The following BASP1 variants were observed in gnomAD, a reference collection of about 807,000 sequenced individuals.
BASP1 encodes the protein brain abundant membrane attached signal protein 1, also known as brain acid soluble protein 1.
BASP1 carries 1 observed loss-of-function variant against 2.2 expected under a neutral mutation model. That is an observed-to-expected ratio of 0.46 (90% CI 0.16 to 2.17). BASP1 has a LOEUF of 2.17. BASP1 is among the 30% of genes most tolerant of loss of function. The pLI, the probability that BASP1 is intolerant of heterozygous loss-of-function variation, is 0.27. For synonymous variants in BASP1, 187 were observed against 154.2 expected, an observed-to-expected ratio of 1.21 and a Z score of -1.58; for missense variants, 352 against 327.2, an observed-to-expected ratio of 1.08 and a Z score of -0.58.
At chr5:17,224,259 G>T (rs1739448560) in intron 1 of BASP1, among the ~76,000 whole-genome samples, 1 of 152,100 alleles carries the variant, frequency 6.6e-6, no homozygotes, top group Non-Finnish European at 1.5e-5. Flanking sequence ...ACAGGTTTTT[G>T]TATCTTACGG....
In BASP1 at chr5:17,275,579, A is replaced by G. The variant is rs1175317178; in HGVS notation, c.363A>G (p.Lys121=). The G allele has an allele frequency of 1.1e-5, 16 of 1,408,252 alleles. No individual in the cohort carries two copies. The Admixed American group carries it at 5.3e-4, about 47-fold the overall frequency. 87.2% of individuals were successfully genotyped at this position (1,408,252 alleles called of 1,614,324 possible). The change falls in exon 2 of 2, where the codon AAA becomes AAG. Residue 121 remains lysine, a synonymous_variant. Coordinates refer to ENST00000322611, the MANE Select transcript of BASP1 (RefSeq NM_006317.5). This position sits in a 1 kb window ranked among gnomAD's most constrained non-coding sequence, Gnocchi z 5.3. ...PGPAAGGEAP[K]AAEAAAAPAE... ...CCGCTGCGGGCGGCGAGGCCCCCAA[A>G]GCTGCTGAGGCCGCCGCGGCCCCGG... is the stretch of plus-strand genomic sequence containing the variant.
rs528395345 is a variant in BASP1 at position 17,275,888 on chromosome 5, C to G, written c.672C>G (p.Thr224=). ...CAGCTAATTCCGACCAAACCGTAAC[C>G]GTGAAAGAGTGACAAGGACAGCCTA... The part of the protein sequence containing the change: ...APAANSDQTV[T]VKE Residue 224 remains threonine, a synonymous_variant, in exon 2 of 2, where the codon ACC becomes ACG. Coordinates refer to ENST00000322611, the MANE Select transcript of BASP1 (RefSeq NM_006317.5). The surrounding 1 kb of genome is among the most constrained non-coding windows in gnomAD (Gnocchi z 5.3). 4.3e-5 allele frequency: 68 copies of G among 1,587,726 alleles called. No homozygotes were observed. The highest frequency in any genetic ancestry group is 5.4e-5 in the Non-Finnish European group (63 of 1,169,252).
intron 1 of BASP1, among the ~76,000 whole-genome samples, chr5:17,219,015 C>T (rs890809452): frequency 1.3e-5 from 2 of 152,130 alleles, no homozygotes; most frequent in African/African-American, 4.8e-5. Context: ...ACCTCTGTCT[C>T]CCCCGCGGCC....
chr5:17,266,083 T>G (rs1740410449), intron 1 of BASP1, among the ~76,000 whole-genome samples: 1 of 152,208 alleles, frequency 6.6e-6, no homozygotes, highest in African/African-American at 2.4e-5. Flanking sequence ...CAAGGGACAC[T>G]AACCCGTTGG....
intron 1 of BASP1, among the ~76,000 whole-genome samples, chr5:17,270,115 C>T (rs139012467): frequency 0.028 from 4,266 of 152,278 alleles, 198 homozygotes; most frequent in African/African-American, 0.094. Context: ...ATTCTCCTGC[C>T]TCAGCCTCCT....
chr5:17,269,536 C>G (rs921294170), intron 1 of BASP1, among the ~76,000 whole-genome samples: 4 of 152,216 alleles, frequency 2.6e-5, no homozygotes, highest in African/African-American at 9.6e-5. Flanking sequence ...ATGGCACACT[C>G]TCTTCTCTCT....
chr5:17,253,919 G>A (rs558239603), intron 1 of BASP1, among the ~76,000 whole-genome samples: 1 of 152,036 alleles, frequency 6.6e-6, no homozygotes, highest in East Asian at 1.9e-4. Context: ...ATTAATTACT[G>A]TATCTAGTGT....
chr5:17,245,492 T>C (rs1283918410), intron 1 of BASP1, among the ~76,000 whole-genome samples: 1 of 152,162 alleles, frequency 6.6e-6, no homozygotes, highest in Non-Finnish European at 1.5e-5. Context: ...ATATATGATA[T>C]TATTGTATTC....
chr5:17,221,517 ATCT>A (rs906722470), intron 1 of BASP1, among the ~76,000 whole-genome samples: 5 of 152,196 alleles, frequency 3.3e-5, no homozygotes, highest in African/African-American at 1.2e-4. Context: ...CTTATTTCAC[ATCT>A]TCTTTCTCTT....
intron 1 of BASP1, among the ~76,000 whole-genome samples, chr5:17,262,864 T>G (rs75297752): frequency 6.6e-6 from 1 of 151,940 alleles, no homozygotes; most frequent in East Asian, 1.9e-4. Flanking sequence ...TTTTTTTTTT[T>G]GAGAAGGAGT....
At chr5:17,271,610 C>T (rs1445422769) in intron 1 of BASP1, among the ~76,000 whole-genome samples, 1 of 152,176 alleles carries the variant, frequency 6.6e-6, no homozygotes, top group African/African-American at 2.4e-5. Context: ...CAGTCTCGGC[C>T]TTTTCAGTAG....
chr5:17,275,865 G>T lies in BASP1; in HGVS notation c.649G>T (p.Ala217Ser). The T allele has an allele frequency of 6.2e-7, 1 of 1,601,176 alleles. No individual in the cohort carries two copies. The highest frequency in any genetic ancestry group is 1.1e-5 in the South Asian group (1 of 89,682). Reference protein sequence around the residue: ...EEPKPVEAPAANSDQTVTVKE With the variant: ...EEPKPVEAPASNSDQTVTVKE Reference sequence around the variant, plus strand: ...GCCCAAGCCGGTGGAGGCCCCGGCAGCTAATTCCGACCAAACCGTAACCGT... The same window carrying T: ...GCCCAAGCCGGTGGAGGCCCCGGCATCTAATTCCGACCAAACCGTAACCGT... The change falls in exon 2 of 2, where the codon GCT becomes TCT. Residue 217 changes from alanine to serine, a missense_variant. Physicochemically the swap from Ala to Ser is moderately conservative, Grantham distance 99. Coordinates refer to ENST00000322611, the MANE Select transcript of BASP1 (RefSeq NM_006317.5). This position sits in a 1 kb window ranked among gnomAD's most constrained non-coding sequence, Gnocchi z 5.3.
At chr5:17,228,799 C>T (rs2291236) in intron 1 of BASP1, among the ~76,000 whole-genome samples, 62,988 of 152,012 alleles carry the variant, frequency 0.41, 13,624 homozygotes, top group Non-Finnish European at 0.48. Context: ...TGTATTGATC[C>T]GCATTGGCTA....
intron 1 of BASP1, among the ~76,000 whole-genome samples, chr5:17,262,560 A>G (rs1400784068): frequency 6.6e-6 from 1 of 152,250 alleles, no homozygotes; most frequent in East Asian, 1.9e-4. Context: ...TGTAAAGATA[A>G]GTATCAAAAC....
intron 1 of BASP1, among the ~76,000 whole-genome samples, chr5:17,228,174 C>T (rs1739557534): frequency 6.6e-6 from 1 of 152,178 alleles, no homozygotes; most frequent in African/African-American, 2.4e-5. Context: ...ACATAAGTGG[C>T]TTATTCCATT....
intron 1 of BASP1, among the ~76,000 whole-genome samples, chr5:17,232,722 C>CT (rs1220459827): frequency 3.1e-4 from 46 of 148,682 alleles, no homozygotes; most frequent in Admixed American, 8.1e-4. Flanking sequence ...TTTTCTTTTT[C>CT]TTTTTTTTTT....
chr5:17,252,695 A>G (rs1740127177), intron 1 of BASP1, among the ~76,000 whole-genome samples: 1 of 152,226 alleles, frequency 6.6e-6, no homozygotes, highest in Non-Finnish European at 1.5e-5. Flanking sequence ...TCCCAATCTT[A>G]AAAAGTTCCC....
rs1272556380 is a variant in BASP1, at chr5:17,275,652, G to T, written c.436G>T (p.Gly146Trp). 4.5e-6 allele frequency: 7 copies of T among 1,539,114 alleles called. No homozygotes were observed. Among genetic ancestry groups the T allele is most frequent in the Non-Finnish European group, 6.1e-6 (7 of 1,143,964 alleles). The stretch of plus-strand genomic sequence containing the variant: ...CGGGGAGGAGCCCAGCAAGGAGGAA[G>T]GGGAACCCAAAAAGACTGAGGCGCC... ...AAGEEPSKEE[G>W]EPKKTEAPAA... is the part of the protein sequence containing the mutation. Residue 146 changes from glycine to tryptophan, a missense_variant, in exon 2 of 2, where the codon GGG becomes TGG. Physicochemically the swap from Gly to Trp is radical, Grantham distance 184. Transcript: ENST00000322611. The surrounding 1 kb of genome is among the most constrained non-coding windows in gnomAD (Gnocchi z 5.3).
intron 1 of BASP1, among the ~76,000 whole-genome samples, chr5:17,267,758 C>G (rs1369330510): frequency 6.7e-6 from 1 of 149,808 alleles, no homozygotes; most frequent in Non-Finnish European, 1.5e-5. Context: ...ACCTTGTGAT[C>G]CTCCTGCCTC....
Sources: gnomAD v4.1 joint callset for allele counts (sites outside exome capture counted in the v4.1 genomes callset) on GRCh38, gnomAD v4.1.1 for gene constraint, Gnocchi (gnomAD v3.1) non-coding constraint, MANE v1.5 for transcripts, NCBI Gene and HGNC (gene_info 2026-07-23, HGNC 2026-07-21) for gene names.